The following CACNA1D variants were observed in gnomAD, a reference collection of about 807,000 sequenced individuals.
The protein encoded by CACNA1D is calcium voltage-gated channel subunit alpha1 D, also known as voltage-dependent L-type calcium channel subunit alpha-1D.
CACNA1D carries 55 observed loss-of-function variants against 257.1 expected under a neutral mutation model. That is an observed-to-expected ratio of 0.21 (90% CI 0.17 to 0.27). The LOEUF is 0.27. Ranked by LOEUF, CACNA1D falls within the 10% of genes least tolerant of loss-of-function variation. The probability of loss-of-function intolerance (pLI) is 1.00; values close to 1 mark genes in which losing one functional copy is unlikely to be tolerated. For missense variants in CACNA1D, 1,876 were observed against 2,784.0 expected, an observed-to-expected ratio of 0.67 and a Z score of 7.34; for synonymous variants, 980 against 1,014.9, an observed-to-expected ratio of 0.97 and a Z score of 0.65.
At chr3:53,738,146 G>C (rs1055350195) in intron 20 of CACNA1D, among the ~76,000 whole-genome samples, 1 of 152,190 alleles carries the variant, frequency 6.6e-6, no homozygotes, top group Non-Finnish European at 1.5e-5. Flanking sequence ...TTGCTGGTGG[G>C]CACCTTTTTC....
intron 16 of CACNA1D, 188 bp from the exon 17 acceptor site, chr3:53,730,889 A>G: frequency 1.6e-6 from 1 of 613,774 alleles, no homozygotes; most frequent in Non-Finnish European, 2.9e-6. Context: ...GGTCTGTGTA[A>G]TGAATCCATC....
At chr3:53,557,997 CTATTTAT>C (rs1267824924) in intron 3 of CACNA1D, among the ~76,000 whole-genome samples, 3 of 152,186 alleles carry the variant, frequency 2.0e-5, no homozygotes, top group African/African-American at 7.2e-5. Context: ...ATATCCTTCT[CTATTTAT>C]TAAGGTCAGC....
intron 7 of CACNA1D, among the ~76,000 whole-genome samples, chr3:53,670,048 A>C (rs1411573261): frequency 6.6e-6 from 1 of 152,230 alleles, no homozygotes; most frequent in Non-Finnish European, 1.5e-5. Context: ...TATCCAGATA[A>C]ATAATTTCGG....
chr3:53,771,572 G>A (rs914062975), intron 32 of CACNA1D, among the ~76,000 whole-genome samples: 3 of 152,172 alleles, frequency 2.0e-5, no homozygotes, highest in African/African-American at 7.2e-5. Context: ...GTAAAGTGGG[G>A]GCCTCAGGCA....
intron 3 of CACNA1D, among the ~76,000 whole-genome samples, chr3:53,537,291 T>G (rs1458020154): frequency 6.6e-6 from 1 of 152,208 alleles, no homozygotes; most frequent in Non-Finnish European, 1.5e-5. Flanking sequence ...TTCAAATATG[T>G]ACAGCACAAG....
chr3:53,796,253 G>A (rs544296818), intron 40 of CACNA1D: 33 of 447,934 alleles, frequency 7.4e-5, no homozygotes, highest in Non-Finnish European at 9.0e-6. Context: ...AGCCTAGGCT[G>A]AGTGCAGCCT....
chr3:53,772,717 C>T lies in CACNA1D; in HGVS notation c.4045-116C>T, dbSNP rs560777916. ...CTTCCTCACTGTCGATATTCTTTCACGGTAACACGTGGAATAGAAAGGAAG... is the reference window on the plus strand; with the variant it reads ...CTTCCTCACTGTCGATATTCTTTCATGGTAACACGTGGAATAGAAAGGAAG... On this transcript the variant is annotated intron_variant, in intron 32 of 47. Coordinates refer to ENST00000350061, the MANE Select transcript of CACNA1D (RefSeq NM_001128840.3). 2.0e-4 allele frequency: 156 copies of T among 781,008 alleles called. 2 individuals carry two copies. The Admixed American group carries it at 2.1e-3, about 11-fold the overall frequency. 48.4% of individuals were successfully genotyped at this position (781,008 alleles called of 1,614,324 possible).
chr3:53,705,444 A>T (rs1422184731), intron 9 of CACNA1D, among the ~76,000 whole-genome samples: 1 of 152,224 alleles, frequency 6.6e-6, no homozygotes, highest in Non-Finnish European at 1.5e-5. Flanking sequence ...CAAGCCCATA[A>T]AGCTGCAATG....
intron 3 of CACNA1D, among the ~76,000 whole-genome samples, chr3:53,542,474 A>G (rs372475826): frequency 6.6e-6 from 1 of 152,116 alleles, no homozygotes; most frequent in East Asian, 1.9e-4. Context: ...TAGCTACTCA[A>G]GAGGCTGAGG....
chr3:53,593,918 A>C (rs1174250072), intron 3 of CACNA1D, among the ~76,000 whole-genome samples: 1 of 152,228 alleles, frequency 6.6e-6, no homozygotes, highest in Non-Finnish European at 1.5e-5. Context: ...CTTCAGTCAG[A>C]AACGCTGATG....
At chr3:53,798,318 T>TGC (rs1485871945) in intron 40 of CACNA1D, among the ~76,000 whole-genome samples, 1 of 149,274 alleles carries the variant, frequency 6.7e-6, no homozygotes, top group Non-Finnish European at 1.5e-5. Flanking sequence ...CGTGTGTGTG[T>TGC]GTGTGTGTGC....
chr3:53,756,890 G>A (rs2095268814), intron 29 of CACNA1D, among the ~76,000 whole-genome samples: 4 of 152,138 alleles, frequency 2.6e-5, no homozygotes, highest in Admixed American at 2.0e-4. Flanking sequence ...TGTTTGCTGC[G>A]GTTACTGGCC....
intron 3 of CACNA1D, among the ~76,000 whole-genome samples, chr3:53,567,490 G>T (rs895348925): frequency 1.3e-5 from 2 of 152,132 alleles, no homozygotes; most frequent in Non-Finnish European, 2.9e-5. Flanking sequence ...ATTTAAAGGT[G>T]CCCTTGTGAC....
At chr3:53,747,519 GTCAGTCCCATTTCTGTT>G in intron 26 of CACNA1D, 71 bp downstream of exon 26, 1 of 1,487,216 alleles carries the variant, frequency 6.7e-7, no homozygotes, top group Non-Finnish European at 9.4e-7. Context: ...CCCTCCTGGA[GTCAGTCCCATTTCTGTT>G]CTCCAGTGTC....
At chr3:53,710,667 T>C (rs939924478) in intron 9 of CACNA1D, among the ~76,000 whole-genome samples, 2 of 152,130 alleles carry the variant, frequency 1.3e-5, no homozygotes, top group African/African-American at 4.8e-5. Context: ...ATTGCAGTTT[T>C]CTTTTTGTTT....
At chr3:53,724,829 T>C (rs995109831) in intron 14 of CACNA1D, among the ~76,000 whole-genome samples, 15 of 152,210 alleles carry the variant, frequency 9.9e-5, no homozygotes, top group African/African-American at 3.6e-4. Context: ...TACCCATTTC[T>C]GAAGAAATCC....
At chr3:53,501,776 T>C in intron 3 of CACNA1D, 56 bp downstream of exon 3, 1 of 991,620 alleles carries the variant, frequency 1.0e-6, no homozygotes, top group South Asian at 1.3e-5. Context: ...TTTGCTTCTA[T>C]ACTTAAACTG....
intron 3 of CACNA1D, among the ~76,000 whole-genome samples, chr3:53,553,189 A>T (rs1304888079): frequency 6.6e-6 from 1 of 152,250 alleles, no homozygotes; most frequent in Non-Finnish European, 1.5e-5. Flanking sequence ...CTTATTCAGA[A>T]TGGCCTTACT....
chr3:53,596,350 G>A (rs765826739), intron 3 of CACNA1D, among the ~76,000 whole-genome samples: 13 of 152,098 alleles, frequency 8.5e-5, no homozygotes, highest in Non-Finnish European at 1.0e-4. Flanking sequence ...CTCCAGTGTT[G>A]GGGGAGAGTC....
Sources: gnomAD v4.1 joint callset for allele counts (sites outside exome capture counted in the v4.1 genomes callset) on GRCh38, gnomAD v4.1.1 for gene constraint, MANE v1.5 for transcripts, NCBI Gene and HGNC (gene_info 2026-07-23, HGNC 2026-07-21) for gene names.